FILIP1: variants seen among roughly 807,000 people sequenced by gnomAD.
FILIP1 encodes the protein filamin-A-interacting protein 1.
A neutral mutation model predicts 102.1 loss-of-function variants in FILIP1; 61 were observed. The ratio of observed to expected loss-of-function variants is 0.60; its 90% CI spans 0.49 to 0.74. The LOEUF is 0.74. Among genes scored for constraint, FILIP1 ranks in the 30% least tolerant of loss-of-function variants. The probability of loss-of-function intolerance (pLI) is 0.00; values close to 1 mark genes in which losing one functional copy is unlikely to be tolerated. For synonymous variants in FILIP1, 491 were observed against 526.9 expected, an observed-to-expected ratio of 0.93 and a Z score of 0.93; for missense variants, 1,314 against 1,441.2, an observed-to-expected ratio of 0.91 and a Z score of 1.43.
At chr6:75,439,312 G>A (rs1168262807) in intron 1 of FILIP1, among the ~76,000 whole-genome samples, 1 of 152,008 alleles carries the variant, frequency 6.6e-6, no homozygotes, top group Non-Finnish European at 1.5e-5. Context: ...GTTGCGGTGA[G>A]CCGAGATCAC....
intron 2 of FILIP1, among the ~76,000 whole-genome samples, chr6:75,377,527 A>T (rs1316453338): frequency 6.6e-6 from 1 of 152,202 alleles, no homozygotes; most frequent in Non-Finnish European, 1.5e-5. Flanking sequence ...GCCATTTCTG[A>T]TACCTGATAC....
chr6:75,449,991 T>A (rs1345378087), intron 1 of FILIP1, among the ~76,000 whole-genome samples: 1 of 152,116 alleles, frequency 6.6e-6, no homozygotes, highest in Non-Finnish European at 1.5e-5. Flanking sequence ...TGGAGTGCGG[T>A]GGTGCAATCA....
rs748552676 is a variant in FILIP1, at chr6:75,362,916, G to T, written c.278C>A (p.Ala93Asp). 6.2e-7 allele frequency: 1 copy of T among 1,613,380 alleles called. No individual in the cohort carries two copies. Among genetic ancestry groups the T allele is most frequent in the Non-Finnish European group, 8.5e-7 (1 of 1,179,872 alleles). ...LLSIMEGELQ[A>D]REDVIHMLKT... The stretch of plus-strand genomic sequence containing the variant: ...CAGCATGTGGATCACATCTTCTCTG[G>T]CCTGTAATAGAAAGTGCAGCAAGAT... Residue 93 changes from alanine to aspartate, a missense_variant and splice_region_variant, in exon 3 of 6, where the codon GCC becomes GAC. Ala to Asp is a moderately radical substitution (Grantham distance 126, BLOSUM62 -2). Coordinates refer to ENST00000237172, the MANE Select transcript of FILIP1 (RefSeq NM_015687.5).
intron 2 of FILIP1, among the ~76,000 whole-genome samples, chr6:75,401,840 C>T (rs1776670133): frequency 6.6e-6 from 1 of 152,136 alleles, no homozygotes; most frequent in African/African-American, 2.4e-5. Flanking sequence ...GTTATCTGTA[C>T]AAACTAATTT....
At chr6:75,471,160 A>T (rs1779314655) in intron 1 of FILIP1, among the ~76,000 whole-genome samples, 2 of 1,958 alleles carry the variant, frequency 1.0e-3, no homozygotes, top group South Asian at 0.091. Context: ...ACCTTGTCTC[A>T]AAAAAAAAAA....
intron 1 of FILIP1, among the ~76,000 whole-genome samples, chr6:75,439,636 T>C (rs1045324274): frequency 6.6e-6 from 1 of 152,238 alleles, no homozygotes; most frequent in Non-Finnish European, 1.5e-5. Context: ...CAATTTATAA[T>C]AGGACACTAA....
intron 1 of FILIP1, among the ~76,000 whole-genome samples, chr6:75,461,213 C>A (rs1028935694): frequency 4.6e-5 from 7 of 152,312 alleles, no homozygotes; most frequent in Admixed American, 3.9e-4. Context: ...CTTGCATAAT[C>A]ATCAGACCCA....
intron 1 of FILIP1, among the ~76,000 whole-genome samples, chr6:75,438,005 T>C (rs1436493112): frequency 6.6e-6 from 1 of 152,224 alleles, no homozygotes; most frequent in Non-Finnish European, 1.5e-5. Context: ...GTATCACGGC[T>C]GTCTCAGCCA....
intron 1 of FILIP1, among the ~76,000 whole-genome samples, chr6:75,449,528 T>A (rs1480212713): frequency 6.6e-6 from 1 of 152,076 alleles, no homozygotes; most frequent in African/African-American, 2.4e-5. Context: ...GTGCCTGTAA[T>A]CCCAGCTACT....
chr6:75,451,220 T>C (rs1302659877), intron 1 of FILIP1, among the ~76,000 whole-genome samples: 1 of 148,872 alleles, frequency 6.7e-6, no homozygotes, highest in Non-Finnish European at 1.5e-5. Context: ...AGAAACATTA[T>C]TTTCAAATAT....
At chr6:75,490,753 T>C (rs142567324) in intron 1 of FILIP1, among the ~76,000 whole-genome samples, 4 of 152,184 alleles carry the variant, frequency 2.6e-5, no homozygotes, top group East Asian at 3.9e-4. Flanking sequence ...ATTTCCACAA[T>C]TGGGTACATG....
chr6:75,472,499 TAAG>T (rs1279124114), intron 1 of FILIP1, among the ~76,000 whole-genome samples: 3 of 152,244 alleles, frequency 2.0e-5, no homozygotes, highest in African/African-American at 7.2e-5. Flanking sequence ...TGTTTTGTGA[TAAG>T]ATGTTAAAGG....
intron 4 of FILIP1, among the ~76,000 whole-genome samples, chr6:75,340,451 C>T (rs1023919290): frequency 2.6e-5 from 4 of 152,128 alleles, no homozygotes; most frequent in Non-Finnish European, 5.9e-5. Flanking sequence ...TGATAATGGT[C>T]ATTACTAAGG....
intron 1 of FILIP1, among the ~76,000 whole-genome samples, chr6:75,446,744 G>T (rs898212436): frequency 6.6e-6 from 1 of 152,110 alleles, no homozygotes; most frequent in Non-Finnish European, 1.5e-5. Flanking sequence ...GGAAAATGAT[G>T]ACTCTTTCAT....
In FILIP1 at chr6:75,378,944, A is replaced by G. The variant is rs547116234; in HGVS notation, c.277-16027T>C. On this transcript the variant is annotated intron_variant, in intron 2 of 5. Transcript: ENST00000237172. Reference sequence around the variant, plus strand: ...AAATCTAAAATATAGAGCTGATAATATGTGGAATAAAACACATGACCCTCA... The same window carrying G: ...AAATCTAAAATATAGAGCTGATAATGTGTGGAATAAAACACATGACCCTCA... Among the ~76,000 whole-genome samples, 35 of 152,348 alleles carry G rather than the reference A, an allele frequency of 2.3e-4. No homozygotes were observed. In the South Asian group the frequency reaches 7.2e-3, roughly 32 times the overall value.
At chr6:75,420,414 T>C (rs1777418904) in intron 1 of FILIP1, among the ~76,000 whole-genome samples, 1 of 152,142 alleles carries the variant, frequency 6.6e-6, no homozygotes, top group African/African-American at 2.4e-5. Context: ...TGAATGGTGA[T>C]AGATGGTAAC....
At chr6:75,472,008 ACT>A (rs992576268) in intron 1 of FILIP1, among the ~76,000 whole-genome samples, 18 of 152,152 alleles carry the variant, frequency 1.2e-4, no homozygotes, top group Admixed American at 7.9e-4. Context: ...TTATAAGGAG[ACT>A]CTATTACTAA....
At position 75,308,408 on chromosome 6, in the gene FILIP1, G is replaced by A; in HGVS notation, c.*283C>T. On this transcript the variant is annotated 3_prime_UTR_variant, in exon 6 of 6. Coordinates refer to ENST00000237172, the MANE Select transcript of FILIP1 (RefSeq NM_015687.5). ...CCCACATCTAACTGATGAGGAAACA[G>A]GCTCAGATGGGTCTATTGATGGGTC... is the stretch of plus-strand genomic sequence containing the variant. The A allele has an allele frequency of 1.7e-6, 2 of 1,169,072 alleles. No homozygotes were observed. The allele number at this position is 1,169,072 out of a possible 1,614,324, so 72.4% of individuals were successfully genotyped here.
chr6:75,468,340 G>A (rs1779232270), intron 1 of FILIP1, among the ~76,000 whole-genome samples: 1 of 152,212 alleles, frequency 6.6e-6, no homozygotes, highest in Non-Finnish European at 1.5e-5. Flanking sequence ...TTCAAAACAT[G>A]AAGAACTTAC....
Sources: allele counts gnomAD v4.1 joint callset (sites outside exome capture counted in the v4.1 genomes callset), GRCh38; gene constraint gnomAD v4.1.1; transcripts MANE v1.5; gene names NCBI Gene and HGNC (gene_info 2026-07-23, HGNC 2026-07-21).